GRID2: variants seen among roughly 807,000 people sequenced by gnomAD.
GRID2 encodes glutamate ionotropic receptor delta type subunit 2, also known as glutamate receptor ionotropic, delta-2.
Under a neutral mutation model 114.8 loss-of-function variants are expected in GRID2, and 33 were observed. That is an observed-to-expected ratio of 0.29 (90% CI 0.22 to 0.38). The LOEUF (loss-of-function observed/expected upper bound fraction) is 0.38, where lower values mean the gene tolerates loss of function less well. Ranked by LOEUF, GRID2 falls within the 10% of genes least tolerant of loss-of-function variation. GRID2 has a pLI of 1.00. For missense variants in GRID2, 1,184 were observed against 1,257.7 expected, an observed-to-expected ratio of 0.94 and a Z score of 0.89; for synonymous variants, 505 against 449.9, an observed-to-expected ratio of 1.12 and a Z score of -1.55.
At chr4:92,539,654 C>A (rs1439331271) in intron 1 of GRID2, among the ~76,000 whole-genome samples, 2 of 152,034 alleles carry the variant, frequency 1.3e-5, no homozygotes, top group African/African-American at 4.8e-5. Flanking sequence ...ATTGTCATTG[C>A]TACCAAATTA....
chr4:93,236,181 C>T (rs1328108034), intron 7 of GRID2, among the ~76,000 whole-genome samples: 2 of 151,984 alleles, frequency 1.3e-5, no homozygotes, highest in Non-Finnish European at 2.9e-5. Flanking sequence ...TAATAAGATG[C>T]ACTGCACTTA....
intron 2 of GRID2, among the ~76,000 whole-genome samples, chr4:93,029,582 T>A (rs1724197208): frequency 6.6e-6 from 1 of 152,146 alleles, no homozygotes; most frequent in South Asian, 2.1e-4. Context: ...CGGAGTATTT[T>A]TTCACACTAA....
chr4:92,807,754 C>T (rs111497522), intron 2 of GRID2, among the ~76,000 whole-genome samples: 11 of 151,938 alleles, frequency 7.2e-5, no homozygotes, highest in African/African-American at 2.2e-4. Context: ...AACAACTTCA[C>T]GTTCTCTTTT....
rs549309615 is a variant in GRID2, at chr4:92,663,469, T to C, written c.244+73183T>C. On this transcript the variant is annotated intron_variant, in intron 2 of 15. Transcript: ENST00000282020. ...TAGGGTCATTCTTTCTGTAGGAATA[T>C]GCATATACTATAAGTGAATTATCAC... Among the ~76,000 whole-genome samples the C allele has an allele frequency of 4.6e-5, 7 of 151,326 alleles. No individual in the cohort carries two copies. In the South Asian group the frequency reaches 1.2e-3, roughly 27 times the overall value.
intron 2 of GRID2, among the ~76,000 whole-genome samples, chr4:92,813,387 C>T (rs1429629946): frequency 6.6e-6 from 1 of 152,114 alleles, no homozygotes; most frequent in East Asian, 1.9e-4. Context: ...TATACAGGCG[C>T]TTAATTTCAT....
Position 92,848,929 on chromosome 4 carries a change from G to GAA in GRID2, c.245-236065_245-236064dup, listed in dbSNP as rs1264707599. ...CTGCAAGCCAAAGAGAGAGGTCTTA[G>GAA]AAGTAACTAAACTCCTGACACCTTG... On this transcript the variant is annotated intron_variant, in intron 2 of 15. Transcript: ENST00000282020. Among the ~76,000 whole-genome samples the GAA allele has an allele frequency of 1.3e-4, 19 of 151,976 alleles. 1 individual carries two copies. The East Asian group carries it at 3.7e-3, about 29-fold the overall frequency.
chr4:93,115,926 C>A (rs762655264), intron 4 of GRID2, among the ~76,000 whole-genome samples: 33 of 152,050 alleles, frequency 2.2e-4, no homozygotes, highest in Middle Eastern at 3.2e-3. Flanking sequence ...ACAAAGCCAA[C>A]CATATCAGTA....
At chr4:93,133,545 T>C (rs904924775) in intron 4 of GRID2, among the ~76,000 whole-genome samples, 1 of 152,212 alleles carries the variant, frequency 6.6e-6, no homozygotes, top group African/African-American at 2.4e-5. Context: ...TTGAGCTATA[T>C]GTTTTGAGAA....
At chr4:92,684,122 T>A (rs904216348) in intron 2 of GRID2, among the ~76,000 whole-genome samples, 1 of 152,022 alleles carries the variant, frequency 6.6e-6, no homozygotes, top group Non-Finnish European at 1.5e-5. Context: ...AATACCATTA[T>A]GTAAATTTTA....
intron 8 of GRID2, among the ~76,000 whole-genome samples, chr4:93,361,607 A>G (rs754723331): frequency 6.6e-6 from 1 of 151,982 alleles, no homozygotes; most frequent in South Asian, 2.1e-4. Flanking sequence ...TGTATTAATC[A>G]TGATTCTTTA....
chr4:93,164,034 C>T (rs1738013348), intron 4 of GRID2, among the ~76,000 whole-genome samples: 1 of 151,932 alleles, frequency 6.6e-6, no homozygotes, highest in Admixed American at 6.6e-5. Flanking sequence ...TCTCTTTATC[C>T]ATGGACTGTA....
At chr4:92,560,779 T>C (rs1192497663) in intron 1 of GRID2, among the ~76,000 whole-genome samples, 1 of 152,100 alleles carries the variant, frequency 6.6e-6, no homozygotes, top group East Asian at 1.9e-4. Context: ...GGATCTCAGC[T>C]CACTGCAACC....
Position 93,571,634 on chromosome 4 carries a change from A to G in GRID2, c.2194-54635A>G, listed in dbSNP as rs867253564. On this transcript the variant is annotated intron_variant, in intron 13 of 15. Coordinates refer to ENST00000282020, the MANE Select transcript of GRID2 (RefSeq NM_001510.4). ...TAATAAAGTTTAGCAACATCACATC[A>G]TCTGTAATAAATTGTTGCTTATCAT... Among the ~76,000 whole-genome samples, 16 of 151,926 alleles carry G rather than the reference A, an allele frequency of 1.1e-4. No homozygotes were observed. In the Middle Eastern group the frequency reaches 0.02, roughly 194 times the overall value.
At chr4:93,226,188 A>G (rs1199501025) in intron 7 of GRID2, among the ~76,000 whole-genome samples, 1 of 152,186 alleles carries the variant, frequency 6.6e-6, no homozygotes, top group Non-Finnish European at 1.5e-5. Context: ...CTATCCCTAT[A>G]GTTCCAAAAG....
intron 2 of GRID2, among the ~76,000 whole-genome samples, chr4:92,617,280 C>T (rs1368193265): frequency 6.6e-6 from 1 of 151,196 alleles, no homozygotes; most frequent in African/African-American, 2.4e-5. Flanking sequence ...CATAGGTATA[C>T]ATATGCCATG....
intron 13 of GRID2, among the ~76,000 whole-genome samples, chr4:93,546,242 G>A (rs1337069313): frequency 1.3e-5 from 2 of 152,176 alleles, no homozygotes; most frequent in African/African-American, 4.8e-5. Context: ...TGTTTAAGAT[G>A]CTTATTCGAG....
intron 2 of GRID2, among the ~76,000 whole-genome samples, chr4:92,929,433 C>G (rs1322160864): frequency 2.6e-5 from 4 of 151,032 alleles, no homozygotes; most frequent in African/African-American, 4.8e-5. Flanking sequence ...TAACTTATAA[C>G]AAGTGTAAGT....
chr4:93,535,836 A>G (rs1042596120), intron 13 of GRID2, among the ~76,000 whole-genome samples: 6 of 151,968 alleles, frequency 3.9e-5, no homozygotes, highest in African/African-American at 1.4e-4. Context: ...ATTTTCTACC[A>G]TTTCCTAAGC....
chr4:92,882,206 G>A (rs1190797520), intron 2 of GRID2, among the ~76,000 whole-genome samples: 1 of 152,110 alleles, frequency 6.6e-6, no homozygotes, highest in Non-Finnish European at 1.5e-5. Flanking sequence ...CAGATTGATG[G>A]AGCCTCATTT....
Sources: allele counts gnomAD v4.1 joint callset (sites outside exome capture counted in the v4.1 genomes callset), GRCh38; gene constraint gnomAD v4.1.1; transcripts MANE v1.5; gene names NCBI Gene and HGNC (gene_info 2026-07-23, HGNC 2026-07-21).